RAB3GAP1: variants seen among roughly 807,000 people sequenced by gnomAD.
The protein encoded by RAB3GAP1 is RAB3 GTPase activating protein catalytic subunit 1.
A neutral mutation model predicts 130.7 loss-of-function variants in RAB3GAP1; 86 were observed. That is an observed-to-expected ratio of 0.66 (90% CI 0.55 to 0.79). The LOEUF is 0.79. Ranked by LOEUF, RAB3GAP1 falls within the 30% of genes least tolerant of loss-of-function variation. RAB3GAP1 has a pLI of 0.00. For synonymous variants in RAB3GAP1, 367 were observed against 401.7 expected (o/e 0.91, Z 1.03); for missense variants, 1,029 against 1,169.4 (o/e 0.88, Z 1.75).
chr2:135,099,647 A>C (rs1282528162), intron 5 of RAB3GAP1, among the ~76,000 whole-genome samples: 1 of 150,868 alleles, frequency 6.6e-6, no homozygotes, highest in African/African-American at 2.5e-5. Context: ...TCTTTGAGAG[A>C]GTGTAAAATT....
intron 3 of RAB3GAP1, among the ~76,000 whole-genome samples, chr2:135,081,329 T>A (rs58250909): frequency 0.089 from 4,369 of 49,350 alleles, 149 homozygotes; most frequent in Middle Eastern, 0.17. Context: ...AAAAAAAAAA[T>A]ATATATATAT....
rs1176127253 is a variant in RAB3GAP1, at chr2:135,107,968, T to TC, written c.363-5181dup. Among the ~76,000 whole-genome samples the TC allele has an allele frequency of 6.7e-5, 5 of 75,116 alleles. No individual in the cohort carries two copies. The East Asian group carries it at 2.0e-3, about 30-fold the overall frequency. 49.3% of individuals were successfully genotyped at this position (75,116 alleles called of 152,430 possible). A position where few individuals can be genotyped will look rare whatever the true frequency, so the allele number is the denominator to read the frequency against. ...CCAGCCTGGGCAAGAAGAGTGAAAC[T>TC]CCATCTCAAAAAAAAAAAAAAAAAA... On this transcript the variant is annotated intron_variant, in intron 5 of 23. Coordinates refer to ENST00000264158, the MANE Select transcript of RAB3GAP1 (RefSeq NM_012233.3).
intron 3 of RAB3GAP1, among the ~76,000 whole-genome samples, chr2:135,089,361 C>CT (rs1690075813): frequency 6.6e-6 from 1 of 151,740 alleles, no homozygotes; most frequent in African/African-American, 2.4e-5. Flanking sequence ...TTAGGATTGT[C>CT]TTGGCTATAT....
At chr2:135,072,850 T>C (rs1689517337) in intron 3 of RAB3GAP1, among the ~76,000 whole-genome samples, 2 of 152,242 alleles carry the variant, frequency 1.3e-5, no homozygotes, top group Admixed American at 1.3e-4. Context: ...TACATGTTGC[T>C]GTGTGAGCCT....
intron 18 of RAB3GAP1, among the ~76,000 whole-genome samples, chr2:135,151,811 C>T (rs139070674): frequency 1.3e-5 from 2 of 152,354 alleles, no homozygotes; most frequent in African/African-American, 4.8e-5. Context: ...CCTCTAGCTG[C>T]CTTCAGAGTC....
intron 3 of RAB3GAP1, among the ~76,000 whole-genome samples, chr2:135,073,399 T>C (rs986310295): frequency 6.6e-6 from 1 of 152,192 alleles, no homozygotes; most frequent in Non-Finnish European, 1.5e-5. Flanking sequence ...AATGTCTGAT[T>C]TGGAAGCCAG....
chr2:135,174,279 C>CT (rs943602358), downstream of RAB3GAP1, among the ~76,000 whole-genome samples: 1 of 3,728 alleles, frequency 2.7e-4, no homozygotes, highest in African/African-American at 1.4e-3. Flanking sequence ...ATGGCCCAGC[C>CT]CTCAGGGTTG....
intron 7 of RAB3GAP1, among the ~76,000 whole-genome samples, chr2:135,118,021 C>G (rs746383085): frequency 6.6e-6 from 1 of 151,938 alleles, no homozygotes; most frequent in African/African-American, 2.4e-5. Context: ...CACAGCTAAT[C>G]TTTGTATTTT....
At position 135,064,690 on chromosome 2, in the gene RAB3GAP1, TG is replaced by T. The variant is rs200188291; in HGVS notation, c.150+6605del. On this transcript the variant is annotated intron_variant, in intron 3 of 23. Coordinates refer to ENST00000264158, the MANE Select transcript of RAB3GAP1 (RefSeq NM_012233.3). The stretch of plus-strand genomic sequence containing the variant: ...TTTTGGGGTTGGTTTCTGTTGATTA[TG>T]TTTTTTTTTTTGAGTATAGATCACA... Among the ~76,000 whole-genome samples, 1,186 of 151,270 alleles carry T rather than the reference TG, an allele frequency of 7.8e-3. 13 individuals carry two copies. Among genetic ancestry groups the T allele is most frequent in the Middle Eastern group, 0.017 (5 of 294 alleles).
rs1056165177 is a variant in RAB3GAP1 at position 135,090,942 on chromosome 2, TATA to T, written c.151-53_151-51del. The stretch of plus-strand genomic sequence containing the variant: ...GGAAAATATCCCTGTCGTTAGTAAA[TATA>T]ATGATAGCTATTGATTAAGGTAAAT... On this transcript the variant is annotated intron_variant, in intron 3 of 23. Transcript: ENST00000264158. The T allele has an allele frequency of 5.3e-5, 79 of 1,495,284 alleles. No individual in the cohort carries two copies. In the East Asian group the frequency reaches 1.0e-3, roughly 20 times the overall value. 92.6% of individuals were successfully genotyped at this position (1,495,284 alleles called of 1,614,324 possible). A position where few individuals can be genotyped will look rare whatever the true frequency, so the allele number is the denominator to read the frequency against.
At chr2:135,103,111 A>G (rs1210496625) in intron 5 of RAB3GAP1, among the ~76,000 whole-genome samples, 2 of 129,632 alleles carry the variant, frequency 1.5e-5, no homozygotes, top group Admixed American at 9.5e-5. Context: ...ATCTTGGCTC[A>G]CTGCAACCTC....
intron 17 of RAB3GAP1, among the ~76,000 whole-genome samples, chr2:135,145,478 T>G (rs1691968195): frequency 6.6e-6 from 1 of 152,132 alleles, no homozygotes; most frequent in South Asian, 2.1e-4. Context: ...TCGTTTGCTT[T>G]AAGCCTACCA....
intron 3 of RAB3GAP1, among the ~76,000 whole-genome samples, chr2:135,071,123 T>G (rs1273550907): frequency 6.6e-6 from 1 of 152,200 alleles, no homozygotes; most frequent in Non-Finnish European, 1.5e-5. Context: ...GGACTGGTAG[T>G]TTTTAAGTTG....
intron 3 of RAB3GAP1, among the ~76,000 whole-genome samples, chr2:135,068,478 C>T (rs996625676): frequency 1.3e-4 from 20 of 150,824 alleles, no homozygotes; most frequent in Admixed American, 7.9e-4. Flanking sequence ...AGAGGCTGGG[C>T]GCCGTGGCTC....
intron 9 of RAB3GAP1, among the ~76,000 whole-genome samples, chr2:135,125,218 CAT>C (rs1339659946): frequency 3.3e-5 from 5 of 152,106 alleles, no homozygotes; most frequent in Non-Finnish European, 5.9e-5. Flanking sequence ...AATCATATAA[CAT>C]GTGGCTTTCT....
At chr2:135,081,327 A>AAT (rs1214688390) in intron 3 of RAB3GAP1, among the ~76,000 whole-genome samples, 1,964 of 63,758 alleles carry the variant, frequency 0.031, 41 homozygotes, top group Non-Finnish European at 0.038. Context: ...AAAAAAAAAA[A>AAT]ATATATATAT....
rs16831352 is a variant in RAB3GAP1 at position 135,123,073 on chromosome 2, A to G, written c.749-1092A>G. Reference sequence around the variant, plus strand: ...CTTAGAGATGTAAGTTTCTTAACCCATGTAACTGGCTTAAAGTCATATGGT... The same window carrying G: ...CTTAGAGATGTAAGTTTCTTAACCCGTGTAACTGGCTTAAAGTCATATGGT... On this transcript the variant is annotated intron_variant, in intron 8 of 23. Transcript: ENST00000264158. Among the ~76,000 whole-genome samples the G allele has an allele frequency of 2.1e-3, 320 of 152,238 alleles. 4 individuals carry two copies. Among genetic ancestry groups the G allele is most frequent in the African/African-American group, 7.4e-3 (308 of 41,558 alleles).
chr2:135,084,205 A>C (rs994617973), intron 3 of RAB3GAP1, among the ~76,000 whole-genome samples: 5 of 152,170 alleles, frequency 3.3e-5, no homozygotes, highest in African/African-American at 1.2e-4. Flanking sequence ...AGATCACTCC[A>C]TTGCACTCCA....
chr2:135,135,112 G>A (rs1047530223), intron 15 of RAB3GAP1, among the ~76,000 whole-genome samples, 153 bp from the exon 16 acceptor site: 1 of 152,044 alleles, frequency 6.6e-6, no homozygotes, highest in Non-Finnish European at 1.5e-5. Flanking sequence ...AATTCTATGT[G>A]CTCCCCCTCT....
Sources: allele counts gnomAD v4.1 joint callset (sites outside exome capture counted in the v4.1 genomes callset), GRCh38; gene constraint gnomAD v4.1.1; transcripts MANE v1.5; gene names NCBI Gene and HGNC (gene_info 2026-07-23, HGNC 2026-07-21).